The following MICAL2 variants were observed in gnomAD, a reference collection of about 807,000 sequenced individuals.
MICAL2 encodes the protein microtubule associated monooxygenase, calponin and LIM domain containing 2.
A neutral mutation model predicts 127.3 loss-of-function variants in MICAL2; 77 were observed. The ratio of observed to expected loss-of-function variants is 0.60; its 90% CI spans 0.50 to 0.73. The LOEUF is 0.73. Ranked by LOEUF, MICAL2 falls within the 30% of genes least tolerant of loss-of-function variation. The pLI is 0.00. For missense variants in MICAL2, 1,351 were observed against 1,434.4 expected, an observed-to-expected ratio of 0.94 and a Z score of 0.94; for synonymous variants, 570 against 551.1, an observed-to-expected ratio of 1.03 and a Z score of -0.48.
chr11:12,206,620 C>T (rs1854719823), intron 4 of MICAL2, among the ~76,000 whole-genome samples: 1 of 152,176 alleles, frequency 6.6e-6, no homozygotes, highest in African/African-American at 2.4e-5. Context: ...CCATCATACT[C>T]AGCACTGCTC....
chr11:12,126,085 A>C (rs1026203386), intron 1 of MICAL2, among the ~76,000 whole-genome samples: 2 of 152,256 alleles, frequency 1.3e-5, no homozygotes, highest in African/African-American at 4.8e-5. Flanking sequence ...AGCCTGGCAT[A>C]GGCCAGCACA....
intron 18 of MICAL2, among the ~76,000 whole-genome samples, chr11:12,241,556 T>C (rs1209587383): frequency 2.0e-5 from 3 of 152,176 alleles, no homozygotes; most frequent in South Asian, 2.1e-4. Context: ...GCTGGACCCA[T>C]TGAAGGGGTA....
chr11:12,165,152 AAAAG>A (rs1166950858), intron 3 of MICAL2, among the ~76,000 whole-genome samples: 125 of 115,326 alleles, frequency 1.1e-3, no homozygotes, highest in African/African-American at 4.3e-3. Flanking sequence ...AAAAAAAAAA[AAAAG>A]AAAAGAAAGA....
rs201529406 is a variant in MICAL2 at position 12,256,788 on chromosome 11, T to A, written c.2959T>A (p.Ser987Thr). 94 of 1,609,586 alleles carry A rather than the reference T, an allele frequency of 5.8e-5. No homozygotes were observed. The African/African-American group carries it at 1.1e-3, about 20-fold the overall frequency. The change falls in exon 24 of 28, where the codon TCT (serine) becomes ACT (threonine). Residue 987 changes from serine to threonine, a missense_variant. This residue lies in a region of MICAL2 where 752 missense variants were observed against 719.4 expected (regional missense o/e 1.05). Coordinates refer to ENST00000683283, the MANE Select transcript of MICAL2 (RefSeq NM_001282663.2). ...KAQATSPDLE[S>T]MRKSFPLNLG... Reference sequence around the variant, plus strand: ...ACTCTTCTCTCCCGATCCCCAGGAATCTATGCGAAAGTCATTTCCCCTTAA... The same window carrying A: ...ACTCTTCTCTCCCGATCCCCAGGAAACTATGCGAAAGTCATTTCCCCTTAA...
chr11:12,273,885 T>A (rs1197817773), upstream of MICAL2, among the ~76,000 whole-genome samples: 2 of 152,068 alleles, frequency 1.3e-5, no homozygotes, highest in African/African-American at 2.4e-5. Context: ...CACTGTGGAC[T>A]GTGCTGGGGG....
intron 2 of MICAL2, among the ~76,000 whole-genome samples, chr11:12,139,014 T>C (rs1852094604): frequency 6.6e-6 from 1 of 152,038 alleles, no homozygotes; most frequent in Non-Finnish European, 1.5e-5. Flanking sequence ...AGGACTCACG[T>C]TTTCTGTGTC....
chr11:12,292,072 C>T (rs1002759653), downstream of MICAL2: 2 of 1,521,804 alleles, frequency 1.3e-6, no homozygotes, highest in African/African-American at 1.4e-5. Context: ...TGGAGCTTCA[C>T]TTAAAGCCTC....
intron 1 of MICAL2, among the ~76,000 whole-genome samples, chr11:12,119,017 C>A (rs961746819): frequency 6.6e-6 from 1 of 152,180 alleles, no homozygotes; most frequent in African/African-American, 2.4e-5. Context: ...TCTCCATTTT[C>A]TACCAAGTTG....
At chr11:12,201,462 T>C (rs1408469810) in intron 3 of MICAL2, among the ~76,000 whole-genome samples, 1 of 151,408 alleles carries the variant, frequency 6.6e-6, no homozygotes, top group East Asian at 2.0e-4. Context: ...GCCTCTGCAA[T>C]GTCAAGCAGT....
Position 12,239,436 on chromosome 11 carries a change from C to A in MICAL2, c.2065C>A (p.Pro689Thr). ...CAGTGTCCCGTTTCAACCTTTGCAG[C>A]CTTCAAACTTTTCCAGCCGTAGCTT... The part of the protein sequence containing the change: ...RRKGFTNLDE[P>T]SNFSSRSLGS... The change falls in exon 17 of 28, where the codon CCT becomes ACT. Residue 689 changes from proline to threonine, a missense_variant and splice_region_variant. Pro to Thr is a conservative substitution (Grantham distance 38, BLOSUM62 -1). Transcript: ENST00000683283. The A allele has an allele frequency of 6.2e-7, 1 of 1,614,050 alleles. No homozygotes were observed. Among genetic ancestry groups the A allele is most frequent in the Non-Finnish European group, 8.5e-7 (1 of 1,180,024 alleles).
intron 8 of MICAL2, among the ~76,000 whole-genome samples, chr11:12,216,654 C>A (rs923204676): frequency 6.6e-6 from 1 of 152,130 alleles, no homozygotes; most frequent in Non-Finnish European, 1.5e-5. Context: ...CAGATGGGGG[C>A]TCCTTGTCCT....
chr11:12,192,268 A>C (rs1859283582), intron 3 of MICAL2, among the ~76,000 whole-genome samples: 1 of 152,236 alleles, frequency 6.6e-6, no homozygotes, highest in Admixed American at 6.5e-5. Flanking sequence ...TCGCCAGTGC[A>C]GGAAAAGTCA....
intron 1 of MICAL2, among the ~76,000 whole-genome samples, chr11:12,116,351 ATTTTTTTTTTTT>A (rs56280931): frequency 5.6e-5 from 6 of 107,738 alleles, no homozygotes; most frequent in African/African-American, 7.8e-5. Flanking sequence ...CTTGATTTTG[ATTTTTTTTTTTT>A]TTTTTTTTTT....
intron 29 of MICAL2, among the ~76,000 whole-genome samples, chr11:12,317,244 C>A (rs761214018): frequency 2.0e-5 from 3 of 152,134 alleles, no homozygotes; most frequent in Non-Finnish European, 4.4e-5. Context: ...TATTTAGTTT[C>A]TTCTTACCTG....
At chr11:12,254,911 CTTTTTTTT>C (rs56183672) in intron 22 of MICAL2, 1 of 63,134 alleles carries the variant, frequency 1.6e-5, no homozygotes, top group Non-Finnish European at 3.1e-5. Context: ...ACCACCTTAA[CTTTTTTTT>C]TTTTTTTTTT....
At chr11:12,296,608 G>GGGTTCAAAATCAAAGGGTACAT (rs1863989118), downstream of MICAL2, among the ~76,000 whole-genome samples, 4 of 149,758 alleles carry the variant, frequency 2.7e-5, no homozygotes, top group Non-Finnish European at 5.9e-5. Context: ...ACATTTGCAT[G>GGGTTCAAAATCAAAGGGTACAT]GTTCAAAATC....
chr11:12,114,821 C>T (rs1188462377), intron 1 of MICAL2, among the ~76,000 whole-genome samples: 1 of 152,216 alleles, frequency 6.6e-6, no homozygotes, highest in Non-Finnish European at 1.5e-5. Context: ...GAACTATCTG[C>T]TGCTCCCCCT....
rs144145270 is a variant in MICAL2, at chr11:12,212,733, A to T, written c.692-522A>T. Among the ~76,000 whole-genome samples the T allele has an allele frequency of 2.9e-3, 380 of 129,052 alleles. 3 individuals carry two copies. In the Middle Eastern group the frequency reaches 0.033, roughly 11 times the overall value. 84.7% of individuals were successfully genotyped at this position (129,052 alleles called of 152,430 possible). The stretch of plus-strand genomic sequence containing the variant: ...CTGAGGTACTGGGGTTAGGATTTCA[A>T]CACATGAATTTGTGTGTGTGTGTGT... On this transcript the variant is annotated intron_variant, in intron 6 of 27. Transcript: ENST00000683283.
At chr11:12,289,839 G>A (rs1281056791), downstream of MICAL2, among the ~76,000 whole-genome samples, 2 of 152,196 alleles carry the variant, frequency 1.3e-5, no homozygotes, top group African/African-American at 4.8e-5. Flanking sequence ...AAAGTGCTCT[G>A]ATTACAGGTG....
Sources: allele counts gnomAD v4.1 joint callset (sites outside exome capture counted in the v4.1 genomes callset), GRCh38; gene constraint gnomAD v4.1.1; regional missense constraint gnomAD v4.1.1; transcripts MANE v1.5; gene names NCBI Gene and HGNC (gene_info 2026-07-23, HGNC 2026-07-21).